Variants in CSMD1 observed in about 807,000 individuals in gnomAD.
The protein encoded by CSMD1 is CUB and sushi domain-containing protein 1.
A neutral mutation model predicts 417.5 loss-of-function variants in CSMD1; 213 were observed. The ratio of observed to expected loss-of-function variants is 0.51; its 90% CI spans 0.46 to 0.57. CSMD1 has a LOEUF of 0.57. Ranked by LOEUF, CSMD1 falls within the 20% of genes least tolerant of loss-of-function variation. CSMD1 has a pLI of 0.00. For synonymous variants in CSMD1, 2,862 were observed against 1,736.8 expected, an observed-to-expected ratio of 1.65 and a Z score of -16.11; for missense variants, 6,923 against 4,529.7, an observed-to-expected ratio of 1.53 and a Z score of -15.17.
chr8:3,954,631 G>T (rs564973925), intron 5 of CSMD1, among the ~76,000 whole-genome samples: 2 of 152,228 alleles, frequency 1.3e-5, no homozygotes, highest in Non-Finnish European at 2.9e-5. Flanking sequence ...CAAAGTTTTG[G>T]GATTACAGGC....
chr8:4,709,187 C>T (rs1432735372), intron 1 of CSMD1, among the ~76,000 whole-genome samples: 4 of 152,158 alleles, frequency 2.6e-5, no homozygotes, highest in Non-Finnish European at 4.4e-5. Flanking sequence ...GCTCAGCTCA[C>T]AATCGAGAGA....
intron 50 of CSMD1, among the ~76,000 whole-genome samples, chr8:3,050,976 G>C (rs914215794): frequency 9.2e-5 from 14 of 152,148 alleles, no homozygotes; most frequent in Non-Finnish European, 1.8e-4. Flanking sequence ...TGGAGAAAAG[G>C]GAACACTTGC....
intron 25 of CSMD1, among the ~76,000 whole-genome samples, chr8:3,298,117 T>A (rs957657684): frequency 6.6e-6 from 1 of 152,102 alleles, no homozygotes; most frequent in Non-Finnish European, 1.5e-5. Context: ...TTCCTGAAAT[T>A]CTCTCATATA....
intron 1 of CSMD1, among the ~76,000 whole-genome samples, chr8:4,765,150 T>C (rs1437359171): frequency 6.6e-6 from 1 of 152,168 alleles, no homozygotes; most frequent in Non-Finnish European, 1.5e-5. Context: ...ACAGTTAATA[T>C]AGCTCGTGAC....
chr8:3,446,623 C>G (rs974590606), intron 12 of CSMD1, among the ~76,000 whole-genome samples: 2 of 151,956 alleles, frequency 1.3e-5, no homozygotes, highest in African/African-American at 4.8e-5. Context: ...TCTGTGTAGA[C>G]AAAAGAAACG....
intron 31 of CSMD1, among the ~76,000 whole-genome samples, chr8:3,204,651 A>T (rs956489337): frequency 5.9e-5 from 9 of 152,196 alleles, no homozygotes; most frequent in African/African-American, 1.9e-4. Context: ...TTACACATCA[A>T]ATATCTTTCT....
At chr8:3,536,008 A>C (rs1428498597) in intron 10 of CSMD1, among the ~76,000 whole-genome samples, 2 of 152,184 alleles carry the variant, frequency 1.3e-5, no homozygotes, top group African/African-American at 4.8e-5. Context: ...AACTTGAAAC[A>C]AAAAGTGACC....
At chr8:3,083,143 A>G (rs2129004006) in intron 49 of CSMD1, among the ~76,000 whole-genome samples, 1 of 152,264 alleles carries the variant, frequency 6.6e-6, no homozygotes, top group African/African-American at 2.4e-5. Flanking sequence ...GCAATTCAGG[A>G]TCACATAAAC....
intron 41 of CSMD1, among the ~76,000 whole-genome samples, chr8:3,121,620 A>C (rs1275160941): frequency 6.6e-6 from 1 of 152,046 alleles, no homozygotes; most frequent in Non-Finnish European, 1.5e-5. Flanking sequence ...TCCAGACATC[A>C]CCTCTTTTAC....
rs747501579 is a variant in CSMD1, at chr8:2,962,656, G to T, written c.9455-17C>A. On this transcript the variant is annotated splice_polypyrimidine_tract_variant and intron_variant, in intron 60 of 69. Coordinates refer to ENST00000635120, the MANE Select transcript of CSMD1 (RefSeq NM_033225.6). ...AGAACACAGCTATGGAAGATAACCA[G>T]GAAGAAGTCAGCCTTCAACGTCCCT... The T allele has an allele frequency of 3.7e-6, 6 of 1,610,166 alleles. No homozygotes were observed. The African/African-American group carries it at 5.3e-5, about 14-fold the overall frequency.
At chr8:4,054,165 C>T (rs1179978082) in intron 3 of CSMD1, among the ~76,000 whole-genome samples, 2 of 152,136 alleles carry the variant, frequency 1.3e-5, no homozygotes, top group African/African-American at 2.4e-5. Context: ...CTCATTACCA[C>T]CATCAAGATT....
intron 2 of CSMD1, among the ~76,000 whole-genome samples, chr8:4,439,524 A>C (rs1181409001): frequency 7.4e-6 from 1 of 135,002 alleles, no homozygotes; most frequent in Non-Finnish European, 1.7e-5. Flanking sequence ...ATATATGCAT[A>C]CATTTGAAAA....
chr8:4,959,345 T>C (rs939389037), intron 1 of CSMD1, among the ~76,000 whole-genome samples: 2 of 152,218 alleles, frequency 1.3e-5, no homozygotes, highest in Non-Finnish European at 2.9e-5. Flanking sequence ...GTACCTGGTG[T>C]TCCCCGCATG....
chr8:3,004,471 A>C (rs979681837), intron 52 of CSMD1, among the ~76,000 whole-genome samples: 1 of 152,224 alleles, frequency 6.6e-6, no homozygotes, highest in African/African-American at 2.4e-5. Flanking sequence ...TGAATTTATT[A>C]GTCTACTAGT....
At chr8:3,021,689 ACCTGC>A (rs1809411898) in intron 51 of CSMD1, among the ~76,000 whole-genome samples, 1 of 116,480 alleles carries the variant, frequency 8.6e-6, no homozygotes, top group Non-Finnish European at 1.9e-5. Context: ...TCCGGAATGC[ACCTGC>A]AATCCCACAG....
chr8:3,624,629 G>A (rs776083314), intron 7 of CSMD1, among the ~76,000 whole-genome samples: 1 of 152,114 alleles, frequency 6.6e-6, no homozygotes, highest in African/African-American at 2.4e-5. Flanking sequence ...CAGGAAAGTG[G>A]TTATACAAAA....
intron 2 of CSMD1, among the ~76,000 whole-genome samples, chr8:4,516,531 T>C (rs903571763): frequency 6.6e-6 from 1 of 152,158 alleles, no homozygotes; most frequent in Admixed American, 6.5e-5. Context: ...GATGTGCCAT[T>C]CTCCCCTGCT....
intron 1 of CSMD1, among the ~76,000 whole-genome samples, chr8:4,993,334 A>C (rs1386102317): frequency 2.6e-5 from 4 of 152,290 alleles, no homozygotes; most frequent in South Asian, 2.1e-4. Context: ...GAGGCTAAAA[A>C]TGAGGACAGG....
At chr8:4,950,580 A>G (rs986084614) in intron 1 of CSMD1, among the ~76,000 whole-genome samples, 6 of 152,200 alleles carry the variant, frequency 3.9e-5, no homozygotes, top group Admixed American at 6.5e-5. Context: ...TTTAGTTTCT[A>G]TGTAAAACAC....
Sources: gnomAD v4.1 joint callset for allele counts (sites outside exome capture counted in the v4.1 genomes callset) on GRCh38, gnomAD v4.1.1 for gene constraint, MANE v1.5 for transcripts, NCBI Gene and HGNC (gene_info 2026-07-23, HGNC 2026-07-21) for gene names.